Variants in MTUS2 observed in about 807,000 individuals in gnomAD.
MTUS2 encodes the protein microtubule associated scaffold protein 2.
A neutral mutation model predicts 114.1 loss-of-function variants in MTUS2; 40 were observed. The ratio of observed to expected loss-of-function variants is 0.35; its 90% CI spans 0.27 to 0.46. MTUS2 has a LOEUF of 0.46. Among genes scored for constraint, MTUS2 ranks in the 20% least tolerant of loss-of-function variants. The pLI is 1.00. For missense variants in MTUS2, 1,679 were observed against 1,705.4 expected (o/e 0.98, Z 0.27); for synonymous variants, 688 against 672.0 (o/e 1.02, Z -0.37).
chr13:29,480,224 A>G lies in MTUS2; in HGVS notation c.3259A>G (p.Lys1087Glu). Residue 1087 changes from lysine (K) to glutamate (E), a missense_variant, in exon 10 of 16, where the codon AAG becomes GAG. Lys to Glu is a moderately conservative substitution (Grantham distance 56). Around this residue, in one of 3 missense-constraint regions of MTUS2, gnomAD observed 822 missense variants for 899.7 expected, o/e 0.91. Coordinates refer to ENST00000612955, the MANE Select transcript of MTUS2 (RefSeq NM_001033602.4). The surrounding 1 kb of genome is among the most constrained non-coding windows in gnomAD (Gnocchi z 4.4). ...ELERRFEDEV[K>E]RLGWQQQAEL... ...GGAGAGGCGGTTCGAGGACGAGGTG[A>G]AGAGGCTGGGCTGGCAGCAGCAGGC... 6.4e-7 allele frequency: 1 copy of G among 1,555,014 alleles called. No individual in the cohort carries two copies. Among genetic ancestry groups the G allele is most frequent in the Non-Finnish European group, 8.7e-7 (1 of 1,148,550 alleles).
intron 6 of MTUS2, chr13:29,307,641 C>A: frequency 8.7e-7 from 1 of 1,153,632 alleles, no homozygotes; most frequent in Non-Finnish European, 1.3e-6. Flanking sequence ...ACTTCAACAG[C>A]GACACCCACT....
intron 5 of MTUS2, among the ~76,000 whole-genome samples, chr13:29,271,816 T>G (rs1897890878): frequency 6.6e-6 from 1 of 152,248 alleles, no homozygotes; most frequent in Admixed American, 6.5e-5. Context: ...CCCTGAGGTT[T>G]AGCACAGTGC....
chr13:29,404,630 G>A (rs1014252362), intron 8 of MTUS2, among the ~76,000 whole-genome samples: 9 of 152,134 alleles, frequency 5.9e-5, no homozygotes, highest in Admixed American at 5.9e-4. Flanking sequence ...CACCTAACTG[G>A]TAAATTCAGT....
intron 8 of MTUS2, among the ~76,000 whole-genome samples, chr13:29,395,876 A>G (rs943336896): frequency 3.9e-5 from 6 of 152,238 alleles, no homozygotes; most frequent in African/African-American, 1.2e-4. Flanking sequence ...GTACTCTTCA[A>G]AATTTATTAT....
chr13:29,132,669 G>A (rs1265269749), intron 5 of MTUS2, among the ~76,000 whole-genome samples: 1 of 152,140 alleles, frequency 6.6e-6, no homozygotes, highest in East Asian at 1.9e-4. Context: ...CATTAATGTT[G>A]TAACATCTGT....
chr13:29,061,296 T>A (rs1888406561), intron 4 of MTUS2, among the ~76,000 whole-genome samples: 1 of 152,226 alleles, frequency 6.6e-6, no homozygotes. Flanking sequence ...CTAGAGCTGA[T>A]TTCTGAAGTC....
intron 5 of MTUS2, among the ~76,000 whole-genome samples, chr13:29,161,531 G>A (rs553865175): frequency 1.3e-5 from 2 of 151,932 alleles, no homozygotes; most frequent in African/African-American, 4.8e-5. Context: ...TGAAATTTTC[G>A]ACTCTTTTCT....
At chr13:29,136,158 A>G (rs1891969012) in intron 5 of MTUS2, among the ~76,000 whole-genome samples, 2 of 152,108 alleles carry the variant, frequency 1.3e-5, no homozygotes, top group Admixed American at 1.3e-4. Context: ...TTTCGTTTCA[A>G]CCTGCCCTCC....
intron 8 of MTUS2, among the ~76,000 whole-genome samples, chr13:29,435,063 C>A (rs1409403361): frequency 1.3e-5 from 2 of 152,152 alleles, no homozygotes; most frequent in African/African-American, 2.4e-5. Context: ...AAGAGATAGA[C>A]CACACCAGAA....
intron 6 of MTUS2, among the ~76,000 whole-genome samples, chr13:29,318,123 G>A (rs1023947234): frequency 2.0e-5 from 3 of 152,152 alleles, no homozygotes; most frequent in African/African-American, 7.2e-5. Flanking sequence ...CAGATACTTA[G>A]GGGATAAAGT....
chr13:29,305,987 CA>C (rs1175471032), intron 6 of MTUS2, among the ~76,000 whole-genome samples: 1 of 152,138 alleles, frequency 6.6e-6, no homozygotes, highest in Admixed American at 6.5e-5. Flanking sequence ...TCAACATATG[CA>C]AATCAATAAA....
intron 5 of MTUS2, among the ~76,000 whole-genome samples, chr13:29,195,945 G>A (rs550009109): frequency 6.6e-6 from 1 of 152,236 alleles, no homozygotes; most frequent in Admixed American, 6.5e-5. Flanking sequence ...CCTGAAGCAG[G>A]GACTTTGAAG....
At chr13:29,079,084 T>G (rs765667343) in intron 4 of MTUS2, among the ~76,000 whole-genome samples, 27 of 152,124 alleles carry the variant, frequency 1.8e-4, no homozygotes, top group Non-Finnish European at 3.5e-4. Context: ...CCAACACTTG[T>G]TATTGTCTGT....
At chr13:29,064,184 T>G (rs1282295486) in intron 4 of MTUS2, among the ~76,000 whole-genome samples, 2 of 152,136 alleles carry the variant, frequency 1.3e-5, no homozygotes, top group Non-Finnish European at 2.9e-5. Context: ...GGGCCTGGAA[T>G]AATTTATTAG....
At chr13:29,195,619 G>C (rs35362633) in intron 5 of MTUS2, among the ~76,000 whole-genome samples, 12,746 of 150,444 alleles carry the variant, frequency 0.085, 706 homozygotes, top group African/African-American at 0.15. Context: ...GATGCAGAGA[G>C]TGTCAAGCAC....
chr13:29,136,160 C>G (rs1328235280), intron 5 of MTUS2, among the ~76,000 whole-genome samples: 3 of 152,150 alleles, frequency 2.0e-5, no homozygotes, highest in Admixed American at 2.0e-4. Context: ...TCGTTTCAAC[C>G]TGCCCTCCTT....
chr13:29,285,858 A>G (rs772789287), intron 6 of MTUS2, among the ~76,000 whole-genome samples: 15 of 152,228 alleles, frequency 9.9e-5, no homozygotes, highest in Non-Finnish European at 1.6e-4. Context: ...AATTCAAACA[A>G]AAATTCAAAA....
At chr13:28,858,851 G>T (rs572359873) in intron 2 of MTUS2, among the ~76,000 whole-genome samples, 2 of 152,222 alleles carry the variant, frequency 1.3e-5, no homozygotes, top group South Asian at 4.2e-4. Flanking sequence ...TAAGGGGTGA[G>T]CTTTGCCAGA....
At chr13:29,128,461 G>T (rs933395028) in intron 5 of MTUS2, among the ~76,000 whole-genome samples, 1 of 152,050 alleles carries the variant, frequency 6.6e-6, no homozygotes, top group African/African-American at 2.4e-5. Flanking sequence ...AGGTCTTCAG[G>T]ATTATTTCGC....
Sources: gnomAD v4.1 joint callset for allele counts (sites outside exome capture counted in the v4.1 genomes callset) on GRCh38, gnomAD v4.1.1 for gene constraint, gnomAD v4.1.1 regional missense constraint, Gnocchi (gnomAD v3.1) non-coding constraint, MANE v1.5 for transcripts, NCBI Gene and HGNC (gene_info 2026-07-23, HGNC 2026-07-21) for gene names.